The following RTEL1 variants were observed in gnomAD, a reference collection of about 807,000 sequenced individuals.
The protein encoded by RTEL1 is regulator of telomere elongation helicase 1.
A neutral mutation model predicts 162.2 loss-of-function variants in RTEL1; 86 were observed. That is an observed-to-expected ratio of 0.53 (90% CI 0.45 to 0.63). The LOEUF is 0.63. RTEL1 is among the 30% of genes least tolerant of loss of function. The probability of loss-of-function intolerance (pLI) is 0.00; values close to 1 mark genes in which losing one functional copy is unlikely to be tolerated. For missense variants in RTEL1, 1,941 were observed against 1,750.2 expected (o/e 1.11, Z -1.95); for synonymous variants, 958 against 717.9 (o/e 1.33, Z -5.35).
chr20:63,695,730 TG>T (rs1568727332), intron 34 of RTEL1, 47 bp from the exon 35 acceptor site: 7 of 1,599,296 alleles, frequency 4.4e-6, no homozygotes, highest in Non-Finnish European at 5.1e-6. Context: ...GCCCTTGTCC[TG>T]GTGGCAACGC....
chr20:63,692,267 T>G (rs1334047948), intron 28 of RTEL1: 1 of 226,364 alleles, frequency 4.4e-6, no homozygotes, highest in Non-Finnish European at 8.8e-6. Context: ...TGGGAAGAAC[T>G]GGGTGGTGCC....
In RTEL1 at chr20:63,661,958, T is replaced by A; in HGVS notation, c.395+15T>A. On this transcript the variant is annotated intron_variant, in intron 4 of 34. Transcript: ENST00000360203. This position sits in a 1 kb window ranked among gnomAD's most constrained non-coding sequence, Gnocchi z 5.1. The stretch of plus-strand genomic sequence containing the variant: ...ACCTCCTACCGGTGGGTCAGACGAG[T>A]TTACACCTGTCTCGGGGTCCTCAAG... 6.2e-7 allele frequency: 1 copy of A among 1,600,102 alleles called. No individual in the cohort carries two copies. Among genetic ancestry groups the A allele is most frequent in the Non-Finnish European group, 8.6e-7 (1 of 1,167,504 alleles).
chr20:63,667,436 T>C lies in RTEL1; in HGVS notation c.615-33T>C, dbSNP rs1236588015. On this transcript the variant is annotated intron_variant, in intron 7 of 34. Transcript: ENST00000360203. ...TCGGGGCACCGTCCCCTGCATGGGG[T>C]GCTCACAGGATCTTCTCCTCTCTCC... 2.6e-6 allele frequency: 4 copies of C among 1,551,826 alleles called. No individual in the cohort carries two copies. In the Admixed American group the frequency reaches 6.7e-5, roughly 26 times the overall value.
In RTEL1 at chr20:63,680,613, C is replaced by G. The variant is rs750520755; in HGVS notation, c.1136-51C>G. On this transcript the variant is annotated intron_variant, in intron 13 of 34. Transcript: ENST00000360203. ...ATGCTGGAAGGGCCGGGGCTGGGGT[C>G]GGGGCCTCCCCTGCCTGCAGTGTGG... 9 of 1,594,388 alleles carry G rather than the reference C, an allele frequency of 5.6e-6. No homozygotes were observed. The South Asian group carries it at 8.8e-5, about 16-fold the overall frequency.
At chr20:63,680,208 G>C (rs2090452473) in intron 13 of RTEL1, among the ~76,000 whole-genome samples, 1 of 152,314 alleles carries the variant, frequency 6.6e-6, no homozygotes, top group African/African-American at 2.4e-5. Flanking sequence ...GCAGCCCAAG[G>C]CCCTAGCTGG....
At chr20:63,687,808 C>T (rs749078638) in intron 17 of RTEL1, 38 bp downstream of exon 17, 3 of 1,554,044 alleles carry the variant, frequency 1.9e-6, no homozygotes, top group Non-Finnish European at 2.6e-6. Context: ...GCACCGGTGA[C>T]ACCTCTGACA....
Position 63,694,881 on chromosome 20 carries a change from A to T in RTEL1, c.3250A>T (p.Thr1084Ser), listed in dbSNP as rs773929076. The T allele has an allele frequency of 1.9e-6, 3 of 1,612,658 alleles. No individual in the cohort carries two copies. The highest frequency in any genetic ancestry group is 2.5e-6 in the Non-Finnish European group (3 of 1,179,870). ...AGCSQLLAAL[T>S]AYKQDDDLDK... ...CTGTAGCCAACTCTTGGCAGCGCTG[A>T]CAGCCTATAAGCAAGACGACGACCT... Residue 1084 changes from threonine to serine, a missense_variant, in exon 32 of 35, where the codon ACA becomes TCA. Coordinates refer to ENST00000360203, the MANE Select transcript of RTEL1 (RefSeq NM_001283009.2).
Position 63,692,997 on chromosome 20 carries a change from C to T in RTEL1, c.2845C>T (p.Leu949Phe), listed in dbSNP as rs1189268989. ...FAEDPKKHNLLQGFYQFVRPH... is the reference protein window; with the variant it reads ...FAEDPKKHNLFQGFYQFVRPH... ...TGAGGACCCCAAGAAGCACAACCTG[C>T]TCCAAGGTGCCCTGGCTTGCAGAGG... Residue 949 changes from leucine to phenylalanine, a missense_variant, in exon 29 of 35, where the codon CTC (leucine) becomes TTC (phenylalanine). By Grantham distance (22) the Leu-to-Phe change is conservative. Transcript: ENST00000360203. The T allele has an allele frequency of 4.3e-6, 7 of 1,612,562 alleles. No individual in the cohort carries two copies. The highest frequency in any genetic ancestry group is 1.1e-5 in the South Asian group (1 of 91,090).
At chr20:63,665,181 T>C (rs1245150050) in intron 6 of RTEL1, 1 of 152,844 alleles carries the variant, frequency 6.5e-6, no homozygotes, top group Non-Finnish European at 1.5e-5. Context: ...GTCCTGGCCC[T>C]CGGGGGGCCT....
chr20:63,683,508 G>A (rs2090520722), intron 14 of RTEL1, among the ~76,000 whole-genome samples: 2 of 152,358 alleles, frequency 1.3e-5, no homozygotes, highest in South Asian at 4.1e-4. Context: ...TGCATGCAGA[G>A]TACGCACACA....
chr20:63,661,543 G>T lies in RTEL1; in HGVS notation c.301+47G>T. ...CTCCTGGCCTCCTGTGGGGATGGTT[G>T]GCAAGGGATGGCGCTGAGGGTGGGG... On this transcript the variant is annotated intron_variant, in intron 3 of 34. Coordinates refer to ENST00000360203, the MANE Select transcript of RTEL1 (RefSeq NM_001283009.2). This position sits in a 1 kb window ranked among gnomAD's most constrained non-coding sequence, Gnocchi z 5.1. 1.3e-6 allele frequency: 2 copies of T among 1,564,538 alleles called. No individual in the cohort carries two copies. Among genetic ancestry groups the T allele is most frequent in the East Asian group, 2.3e-5 (1 of 43,288 alleles).
At chr20:63,662,960 G>T in intron 6 of RTEL1, 71 bp downstream of exon 6, 1 of 1,468,614 alleles carries the variant, frequency 6.8e-7, no homozygotes. Flanking sequence ...GCTCAGTGGT[G>T]TCACAGCCTG....
intron 6 of RTEL1, among the ~76,000 whole-genome samples, chr20:63,663,381 C>G (rs1229952424): frequency 2.0e-5 from 3 of 152,164 alleles, no homozygotes; most frequent in African/African-American, 7.2e-5. Flanking sequence ...AAATTATGGC[C>G]CTGAGTGTGA....
rs2145439184 is a variant in RTEL1 at position 63,691,776 on chromosome 20, A to C, written c.2591A>C (p.Glu864Ala). The C allele has an allele frequency of 6.2e-7, 1 of 1,612,290 alleles. No individual in the cohort carries two copies. ...HSCSTLSLLS[E>A]KRPAEEPRGG... is the part of the protein sequence containing the mutation. ...TGCTCCACCCTGTCCCTCCTGTCTG[A>C]GAAGAGGCCGGCAGAAGAACCGCGA... Residue 864 changes from glutamate to alanine, a missense_variant, in exon 28 of 35, where the codon GAG becomes GCG. By Grantham distance (107) the Glu-to-Ala change is moderately radical. Coordinates refer to ENST00000360203, the MANE Select transcript of RTEL1 (RefSeq NM_001283009.2).
intron 27 of RTEL1, among the ~76,000 whole-genome samples, chr20:63,691,515 T>C (rs1278864334): frequency 6.6e-6 from 1 of 152,116 alleles, no homozygotes; most frequent in Non-Finnish European, 1.5e-5. Context: ...CTGTCTTCCC[T>C]GGACCTGCTC....
intron 8 of RTEL1, among the ~76,000 whole-genome samples, chr20:63,671,795 T>G (rs975310136): frequency 1.4e-5 from 2 of 147,444 alleles, no homozygotes; most frequent in African/African-American, 5.0e-5. Flanking sequence ...CCGGCCAATG[T>G]GTGAAAATTT....
chr20:63,691,233 CA>C (rs1410089570), intron 27 of RTEL1, among the ~76,000 whole-genome samples: 2 of 152,188 alleles, frequency 1.3e-5, no homozygotes, highest in Admixed American at 6.5e-5. Context: ...TCAGTGCACT[CA>C]AGGTCGGGTG....
At position 63,678,161 on chromosome 20, in the gene RTEL1, G is replaced by C. The variant is rs41302954; in HGVS notation, c.936G>C (p.Leu312=). The change falls in exon 11 of 35, where the codon CTG becomes CTC. Residue 312 remains leucine (L), a synonymous_variant. Coordinates refer to ENST00000360203, the MANE Select transcript of RTEL1 (RefSeq NM_001283009.2). ...CTTGCCCAGGGCTGAACATGGAGCT[G>C]GAAGACATTGCAAAGCTGAAGAGTA... The part of the protein sequence containing the change: ...DSPSPGLNME[L]EDIAKLKMIL... 4 of 1,614,124 alleles carry C rather than the reference G, an allele frequency of 2.5e-6. No homozygotes were observed. Among genetic ancestry groups the C allele is most frequent in the South Asian group, 2.2e-5 (2 of 91,082 alleles).
intron 6 of RTEL1, among the ~76,000 whole-genome samples, chr20:63,664,123 G>A (rs1287981995): frequency 6.6e-6 from 1 of 152,176 alleles, no homozygotes; most frequent in Non-Finnish European, 1.5e-5. Context: ...TCCTAAGAAG[G>A]GGCTCTGCCT....
Sources: allele counts gnomAD v4.1 joint callset (sites outside exome capture counted in the v4.1 genomes callset), GRCh38; gene constraint gnomAD v4.1.1; non-coding constraint Gnocchi (gnomAD v3.1); transcripts MANE v1.5; gene names NCBI Gene and HGNC (gene_info 2026-07-23, HGNC 2026-07-21).